RBFOX1: variants seen among roughly 807,000 people sequenced by gnomAD.
RBFOX1 encodes RNA binding fox-1 homolog 1, also known as RNA binding protein fox-1 homolog 1.
A neutral mutation model predicts 57.7 loss-of-function variants in RBFOX1; 8 were observed. The ratio of observed to expected loss-of-function variants is 0.14; its 90% CI spans 0.08 to 0.25. The LOEUF (loss-of-function observed/expected upper bound fraction) is 0.25, where lower values mean the gene tolerates loss of function less well. Among genes scored for constraint, RBFOX1 ranks in the 10% least tolerant of loss-of-function variants. The pLI is 1.00. For synonymous variants in RBFOX1, 326 were observed against 222.4 expected (o/e 1.47, Z -4.15); for missense variants, 611 against 548.5 (o/e 1.11, Z -1.14).
At chr16:5,399,167 G>A (rs1026367848) in intron 1 of RBFOX1, among the ~76,000 whole-genome samples, 1 of 152,180 alleles carries the variant, frequency 6.6e-6, no homozygotes, top group Non-Finnish European at 1.5e-5. Flanking sequence ...TTCCTTATCT[G>A]TAAAATGCGG....
In RBFOX1 at chr16:6,731,092, A is replaced by G. The variant is rs78953188; in HGVS notation, c.-16+76442A>G. On this transcript the variant is annotated intron_variant, in intron 3 of 15. Coordinates refer to ENST00000550418, the MANE Select transcript of RBFOX1 (RefSeq NM_018723.4). ...TCAGGAATATCCTTTACCTTTGGAA[A>G]ACTGGTTATATTCCTCCCTTGGAAA... is the stretch of plus-strand genomic sequence containing the variant. 3.6e-4 allele frequency among the ~76,000 whole-genome samples: 55 copies of G among 152,258 alleles called. 1 individual carries two copies. In the East Asian group the frequency reaches 7.7e-3, roughly 21 times the overall value.
chr16:7,424,241 C>T (rs978820655), intron 4 of RBFOX1, among the ~76,000 whole-genome samples: 5 of 151,500 alleles, frequency 3.3e-5, no homozygotes, highest in African/African-American at 4.8e-5. Flanking sequence ...GTGTAATTTA[C>T]ACTTGAATAT....
intron 2 of RBFOX1, among the ~76,000 whole-genome samples, chr16:6,567,837 T>A (rs1011435617): frequency 6.6e-6 from 1 of 152,162 alleles, no homozygotes; most frequent in Non-Finnish European, 1.5e-5. Context: ...AAATTCCTTT[T>A]TAGAGACAGG....
At chr16:6,973,177 G>T (rs530680038) in intron 3 of RBFOX1, among the ~76,000 whole-genome samples, 3 of 151,310 alleles carry the variant, frequency 2.0e-5, no homozygotes, top group Non-Finnish European at 4.4e-5. Context: ...CATCAGCTTT[G>T]AGAGAGTGTG....
intron 3 of RBFOX1, among the ~76,000 whole-genome samples, chr16:6,904,508 G>C (rs1422164953): frequency 6.8e-6 from 1 of 147,966 alleles, no homozygotes; most frequent in Non-Finnish European, 1.5e-5. Flanking sequence ...GGCCGAGGCA[G>C]GAGAATTGTT....
intron 2 of RBFOX1, among the ~76,000 whole-genome samples, chr16:6,516,894 C>T (rs925866694): frequency 1.3e-5 from 2 of 152,056 alleles, no homozygotes; most frequent in Non-Finnish European, 2.9e-5. Context: ...AAAAAGAGCC[C>T]CAGTCTTGGC....
intron 3 of RBFOX1, among the ~76,000 whole-genome samples, chr16:6,901,817 T>A (rs80255905): frequency 6.6e-6 from 1 of 152,232 alleles, no homozygotes; most frequent in African/African-American, 2.4e-5. Context: ...TTCACTGTTA[T>A]ATTTACTGTG....
rs1372306522 is a variant in RBFOX1 at position 6,832,571 on chromosome 16, G to A, written c.-16+177921G>A. ...TGTCTTGGGGTCTCAGGGGCTGGGT[G>A]CTTGCAGCAGCCGCAGACGGAAAGT... On this transcript the variant is annotated intron_variant, in intron 3 of 15. Coordinates refer to ENST00000550418, the MANE Select transcript of RBFOX1 (RefSeq NM_018723.4). Among the ~76,000 whole-genome samples, 5 of 152,280 alleles carry A rather than the reference G, an allele frequency of 3.3e-5. No individual in the cohort carries two copies. The East Asian group carries it at 9.6e-4, about 29-fold the overall frequency.
chr16:7,471,669 C>G (rs1248126431), intron 4 of RBFOX1, among the ~76,000 whole-genome samples: 1 of 152,156 alleles, frequency 6.6e-6, no homozygotes, highest in African/African-American at 2.4e-5. Context: ...GGGGGAGAAT[C>G]CAGAGATGTT....
At chr16:6,750,328 G>C (rs542525640) in intron 3 of RBFOX1, among the ~76,000 whole-genome samples, 191 of 152,308 alleles carry the variant, frequency 1.3e-3, no homozygotes, top group African/African-American at 4.4e-3. Context: ...ATGGGTCATA[G>C]AGAGGAGCTT....
chr16:5,328,988 T>G (rs1043020404), intron 1 of RBFOX1, among the ~76,000 whole-genome samples: 2 of 152,244 alleles, frequency 1.3e-5, no homozygotes, highest in African/African-American at 4.8e-5. Flanking sequence ...TGTCTCTTGG[T>G]CTAAGCTAGC....
chr16:5,526,062 A>G (rs368790695), intron 2 of RBFOX1, among the ~76,000 whole-genome samples: 1 of 152,030 alleles, frequency 6.6e-6, no homozygotes, highest in African/African-American at 2.4e-5. Context: ...GTCAACCCCC[A>G]GGCAGTGCAT....
intron 3 of RBFOX1, among the ~76,000 whole-genome samples, chr16:5,758,989 C>T (rs2053494423): frequency 1.3e-5 from 2 of 152,288 alleles, no homozygotes; most frequent in South Asian, 2.1e-4. Context: ...ACACCATTTG[C>T]AGTTAAACCA....
At chr16:7,055,655 G>A (rs1443587155) in intron 4 of RBFOX1, among the ~76,000 whole-genome samples, 2 of 152,268 alleles carry the variant, frequency 1.3e-5, no homozygotes, top group East Asian at 1.9e-4. Flanking sequence ...ATCAATCACT[G>A]GCAAGGTGAA....
chr16:6,135,319 C>G (rs190955097), intron 1 of RBFOX1, among the ~76,000 whole-genome samples: 1,606 of 152,288 alleles, frequency 0.011, 24 homozygotes, highest in Non-Finnish European at 0.018. Flanking sequence ...ATTGGCTGTA[C>G]TTTGAAACTC....
chr16:6,403,680 T>C (rs1404052017), intron 2 of RBFOX1, among the ~76,000 whole-genome samples: 1 of 152,040 alleles, frequency 6.6e-6, no homozygotes, highest in Non-Finnish European at 1.5e-5. Flanking sequence ...ATGAGCCCAA[T>C]ATATTTCTAA....
At chr16:5,700,882 C>T (rs1158741445) in intron 3 of RBFOX1, among the ~76,000 whole-genome samples, 1 of 152,198 alleles carries the variant, frequency 6.6e-6, no homozygotes, top group Non-Finnish European at 1.5e-5. Flanking sequence ...CACATGTCCA[C>T]TCCAGGAGCT....
chr16:5,473,034 G>T (rs2069192224), intron 2 of RBFOX1, among the ~76,000 whole-genome samples: 2 of 152,158 alleles, frequency 1.3e-5, no homozygotes, highest in African/African-American at 4.8e-5. Context: ...CCCCTGCCTT[G>T]ATCCATGAGG....
chr16:5,291,395 T>A (rs1384149570), intron 1 of RBFOX1, among the ~76,000 whole-genome samples: 2 of 151,640 alleles, frequency 1.3e-5, no homozygotes, highest in Non-Finnish European at 2.9e-5. Context: ...CCCGAGTAGC[T>A]GGGACTACAG....
Sources: allele counts gnomAD v4.1 joint callset (sites outside exome capture counted in the v4.1 genomes callset), GRCh38; gene constraint gnomAD v4.1.1; transcripts MANE v1.5; gene names NCBI Gene and HGNC (gene_info 2026-07-23, HGNC 2026-07-21).